Variants in CSMD2 observed in about 807,000 individuals in gnomAD.
CSMD2 encodes the protein CUB and Sushi multiple domains 2.
Under a neutral mutation model 398.5 loss-of-function variants are expected in CSMD2, and 130 were observed. That is an observed-to-expected ratio of 0.33 (90% confidence interval 0.28 to 0.38). The LOEUF is 0.38. Among genes scored for constraint, CSMD2 ranks in the 10% least tolerant of loss-of-function variants. The pLI is 1.00. For synonymous variants in CSMD2, 1,828 were observed against 1,908.5 expected, an observed-to-expected ratio of 0.96 and a Z score of 1.10; for missense variants, 3,829 against 4,764.9, an observed-to-expected ratio of 0.80 and a Z score of 5.78.
chr1:33,932,069 T>G (rs1226632314), intron 4 of CSMD2, among the ~76,000 whole-genome samples: 1 of 152,096 alleles, frequency 6.6e-6, no homozygotes. Context: ...GAATGTAAGA[T>G]GCCCTGAGGG....
chr1:33,933,410 T>C (rs943411288), intron 4 of CSMD2, among the ~76,000 whole-genome samples: 3 of 152,198 alleles, frequency 2.0e-5, no homozygotes, highest in African/African-American at 7.2e-5. Context: ...CCCCGCTGCA[T>C]CCAGTAATTG....
intron 3 of CSMD2, among the ~76,000 whole-genome samples, chr1:33,958,854 C>A (rs189760952): frequency 6.6e-6 from 1 of 152,172 alleles, no homozygotes; most frequent in Non-Finnish European, 1.5e-5. Flanking sequence ...GTTTAAGCTG[C>A]TATGTGCGTG....
intron 29 of CSMD2, among the ~76,000 whole-genome samples, chr1:33,642,087 C>CA (rs1344276491): frequency 3.3e-5 from 5 of 152,068 alleles, no homozygotes; most frequent in Non-Finnish European, 5.9e-5. Context: ...CGGTGGCTCA[C>CA]ACCCTGTATC....
chr1:34,014,280 G>T (rs896627255), intron 3 of CSMD2, among the ~76,000 whole-genome samples: 4 of 152,218 alleles, frequency 2.6e-5, no homozygotes, highest in African/African-American at 9.6e-5. Flanking sequence ...GTTAAAGCTA[G>T]GTCAGACCAG....
At chr1:33,891,788 C>G (rs1642033596) in intron 5 of CSMD2, among the ~76,000 whole-genome samples, 1 of 150,608 alleles carries the variant, frequency 6.6e-6, no homozygotes, top group African/African-American at 2.4e-5. Flanking sequence ...TCCCAGTAAA[C>G]TATCGCAAGG....
At chr1:33,569,328 C>A in intron 52 of CSMD2, 46 bp downstream of exon 52, 1 of 1,568,724 alleles carries the variant, frequency 6.4e-7, no homozygotes, top group Non-Finnish European at 8.7e-7. Context: ...TCTAATCTAT[C>A]TCAAGGAGAA....
chr1:33,752,985 A>G (rs961278907), intron 13 of CSMD2, among the ~76,000 whole-genome samples: 1 of 152,336 alleles, frequency 6.6e-6, no homozygotes, highest in Non-Finnish European at 1.5e-5. Context: ...AAGAATTAGC[A>G]TGGCTGCTTC....
intron 44 of CSMD2, among the ~76,000 whole-genome samples, chr1:33,589,440 G>A (rs571924611): frequency 4.7e-4 from 71 of 152,268 alleles, no homozygotes; most frequent in East Asian, 7.7e-4. Flanking sequence ...AGAGATAGTC[G>A]TCTGTTTTAA....
At chr1:33,802,995 T>G (rs1357357968) in intron 10 of CSMD2, among the ~76,000 whole-genome samples, 1 of 152,182 alleles carries the variant, frequency 6.6e-6, no homozygotes, top group East Asian at 1.9e-4. Context: ...CTTCCCACCC[T>G]ACTGCTGTCT....
chr1:34,039,341 C>T (rs1651556479), intron 2 of CSMD2, among the ~76,000 whole-genome samples: 1 of 152,226 alleles, frequency 6.6e-6, no homozygotes, highest in African/African-American at 2.4e-5. Context: ...GGTCAGTGAT[C>T]CTTGGCCTCC....
chr1:33,556,355 A>G (rs1657972647), intron 55 of CSMD2, among the ~76,000 whole-genome samples: 1 of 152,202 alleles, frequency 6.6e-6, no homozygotes, highest in Non-Finnish European at 1.5e-5. Context: ...GAGCAGCTAT[A>G]CCAGGCTCCT....
chr1:33,529,834 G>A (rs1207159181), intron 64 of CSMD2, among the ~76,000 whole-genome samples: 15 of 152,034 alleles, frequency 9.9e-5, no homozygotes, highest in Admixed American at 3.9e-4. Flanking sequence ...ACAAGAGAGC[G>A]AAAAGACACC....
At chr1:34,075,843 G>A (rs1333993674) in intron 2 of CSMD2, among the ~76,000 whole-genome samples, 3 of 152,184 alleles carry the variant, frequency 2.0e-5, no homozygotes, top group Non-Finnish European at 4.4e-5. Flanking sequence ...ATTCATCCAG[G>A]CAGGGCTGAC....
At chr1:33,941,840 A>G (rs536332344) in intron 3 of CSMD2, among the ~76,000 whole-genome samples, 3 of 151,870 alleles carry the variant, frequency 2.0e-5, no homozygotes, top group Admixed American at 1.3e-4. Flanking sequence ...TTTATTATAC[A>G]TGAGATATAT....
At chr1:33,726,477 C>T in intron 16 of CSMD2, 70 bp downstream of exon 16, 2 of 1,516,612 alleles carry the variant, frequency 1.3e-6, no homozygotes, top group Non-Finnish European at 1.8e-6. Context: ...ATCCACCCTG[C>T]ATTCCCTCCC....
intron 13 of CSMD2, among the ~76,000 whole-genome samples, chr1:33,767,462 A>T (rs1650654079): frequency 1.3e-5 from 2 of 152,228 alleles, no homozygotes; most frequent in South Asian, 4.1e-4. Context: ...AGATAGAGTT[A>T]CAGCACATTA....
intron 15 of CSMD2, among the ~76,000 whole-genome samples, chr1:33,730,073 T>C (rs956213193): frequency 1.3e-5 from 2 of 152,244 alleles, no homozygotes; most frequent in Non-Finnish European, 2.9e-5. Context: ...GTGGTAGAGA[T>C]CTAACTGAAT....
At chr1:33,664,579 G>A (rs1323768695) in intron 25 of CSMD2, among the ~76,000 whole-genome samples, 3 of 152,060 alleles carry the variant, frequency 2.0e-5, no homozygotes, top group Non-Finnish European at 4.4e-5. Context: ...AGGTCAGGAG[G>A]TCAGGATCAC....
At chr1:33,894,860 C>T (rs1642273766) in intron 5 of CSMD2, among the ~76,000 whole-genome samples, 1 of 152,154 alleles carries the variant, frequency 6.6e-6, no homozygotes, top group African/African-American at 2.4e-5. Flanking sequence ...GACTGGGTCC[C>T]CATCTCCTGC....
Sources: gnomAD v4.1 joint callset for allele counts (sites outside exome capture counted in the v4.1 genomes callset) on GRCh38, gnomAD v4.1.1 for gene constraint, MANE v1.5 for transcripts, NCBI Gene and HGNC (gene_info 2026-07-23, HGNC 2026-07-21) for gene names.